SLC25A12: variants seen among roughly 807,000 people sequenced by gnomAD.
SLC25A12 encodes electrogenic aspartate/glutamate antiporter SLC25A12, mitochondrial.
In SLC25A12, 32 loss-of-function variants were observed where a neutral mutation model predicts 83.3. The ratio of observed to expected loss-of-function variants is 0.38; its 90% CI spans 0.29 to 0.52. SLC25A12 has a LOEUF of 0.52. Ranked by LOEUF, SLC25A12 falls within the 20% of genes least tolerant of loss-of-function variation. The pLI, the probability that SLC25A12 is intolerant of heterozygous loss-of-function variation, is 0.84. For missense variants in SLC25A12, 611 were observed against 835.6 expected (o/e 0.73, Z 3.31); for synonymous variants, 267 against 291.1 (o/e 0.92, Z 0.84).
intron 2 of SLC25A12, among the ~76,000 whole-genome samples, chr2:171,880,754 T>C (rs1316999961): frequency 6.6e-6 from 1 of 152,226 alleles, no homozygotes; most frequent in Non-Finnish European, 1.5e-5. Flanking sequence ...CATTATTCTA[T>C]TTTCTCTAGA....
intron 13 of SLC25A12, among the ~76,000 whole-genome samples, chr2:171,803,105 T>G (rs1362078047): frequency 6.7e-6 from 1 of 150,200 alleles, no homozygotes; most frequent in African/African-American, 2.4e-5. Flanking sequence ...TTTAGTAATA[T>G]CTCTCTCTGT....
intron 2 of SLC25A12, among the ~76,000 whole-genome samples, chr2:171,870,393 CG>C (rs1375939773): frequency 6.6e-6 from 1 of 152,074 alleles, no homozygotes; most frequent in Non-Finnish European, 1.5e-5. Context: ...GAGGCCAAGG[CG>C]GGCAACTGCT....
chr2:171,822,641 C>T (rs1277886365), intron 9 of SLC25A12, among the ~76,000 whole-genome samples: 1 of 152,154 alleles, frequency 6.6e-6, no homozygotes. Context: ...CCCGCCTTGG[C>T]CTCTCAAAGT....
At chr2:171,849,033 T>C (rs1451965451) in intron 4 of SLC25A12, among the ~76,000 whole-genome samples, 1 of 151,922 alleles carries the variant, frequency 6.6e-6, no homozygotes, top group Non-Finnish European at 1.5e-5. Context: ...CTACTAAAAA[T>C]AGAAAAAATT....
At chr2:171,858,640 T>C (rs1046950575) in intron 3 of SLC25A12, among the ~76,000 whole-genome samples, 1 of 152,238 alleles carries the variant, frequency 6.6e-6, no homozygotes, top group African/African-American at 2.4e-5. Flanking sequence ...GTTGCATTAG[T>C]TGACATTAAG....
chr2:171,836,440 G>T (rs1205145771), intron 6 of SLC25A12, among the ~76,000 whole-genome samples: 1 of 152,176 alleles, frequency 6.6e-6, no homozygotes, highest in African/African-American at 2.4e-5. Flanking sequence ...TTTGCTATTG[G>T]TCCAGATGAT....
chr2:171,886,219 T>C (rs1685813961), intron 2 of SLC25A12, among the ~76,000 whole-genome samples: 1 of 149,638 alleles, frequency 6.7e-6, no homozygotes, highest in African/African-American at 2.5e-5. Context: ...CACTCCTCTT[T>C]AATATAATAG....
intron 3 of SLC25A12, 86 bp downstream of exon 3, chr2:171,868,595 T>TGG: frequency 7.4e-7 from 1 of 1,352,426 alleles, no homozygotes; most frequent in Admixed American, 1.7e-5. Context: ...ATTACAGGCA[T>TGG]GAGCCACTGT....
Position 171,803,034 on chromosome 2 carries a change from T to C in SLC25A12, c.1305+6572A>G, listed in dbSNP as rs1220386216. On this transcript the variant is annotated intron_variant, in intron 13 of 17. Transcript: ENST00000422440. Reference sequence around the variant, plus strand: ...GCATAAGAGCATGTACACATGTATATGAAAACATTAGAAGGAAATACACCA... The same window carrying C: ...GCATAAGAGCATGTACACATGTATACGAAAACATTAGAAGGAAATACACCA... 2.0e-5 allele frequency among the ~76,000 whole-genome samples: 3 copies of C among 151,332 alleles called. No homozygotes were observed. In the East Asian group the frequency reaches 5.8e-4, roughly 29 times the overall value.
chr2:171,868,592 G>T (rs1685393062), intron 3 of SLC25A12, 89 bp downstream of exon 3: 2 of 1,318,766 alleles, frequency 1.5e-6, no homozygotes. Flanking sequence ...GGGATTACAG[G>T]CATGAGCCAC....
intron 11 of SLC25A12, among the ~76,000 whole-genome samples, chr2:171,812,099 G>A (rs3770453): frequency 0.78 from 118,341 of 152,058 alleles, 47,343 homozygotes; most frequent in East Asian, 0.89. Flanking sequence ...AGAGACTACA[G>A]TTCTGAATAT....
intron 2 of SLC25A12, among the ~76,000 whole-genome samples, chr2:171,875,883 A>T (rs538139615): frequency 7.9e-6 from 1 of 126,108 alleles, no homozygotes; most frequent in South Asian, 2.7e-4. Context: ...ACTGCACCAC[A>T]GCCTGGGCGA....
At chr2:171,874,676 A>C (rs1323790403) in intron 2 of SLC25A12, among the ~76,000 whole-genome samples, 1 of 152,130 alleles carries the variant, frequency 6.6e-6, no homozygotes, top group Non-Finnish European at 1.5e-5. Flanking sequence ...TATGGCATCT[A>C]CTTCATAGAA....
At chr2:171,821,736 G>A (rs954581425) in intron 9 of SLC25A12, among the ~76,000 whole-genome samples, 1 of 152,122 alleles carries the variant, frequency 6.6e-6, no homozygotes, top group African/African-American at 2.4e-5. Flanking sequence ...TCTGGATACA[G>A]ATCCTCTATT....
At chr2:171,851,554 G>C (rs1010995399) in intron 4 of SLC25A12, among the ~76,000 whole-genome samples, 1 of 148,542 alleles carries the variant, frequency 6.7e-6, no homozygotes, top group Admixed American at 6.7e-5. Context: ...TTTCATTTGA[G>C]ACAGGGTTTC....
chr2:171,798,282 G>C (rs1683639604), intron 13 of SLC25A12, among the ~76,000 whole-genome samples: 1 of 152,212 alleles, frequency 6.6e-6, no homozygotes, highest in Non-Finnish European at 1.5e-5. Flanking sequence ...CAGTGCCAAA[G>C]GCCGAGGGGC....
chr2:171,853,115 C>T (rs555557694), intron 4 of SLC25A12, among the ~76,000 whole-genome samples: 6 of 152,100 alleles, frequency 3.9e-5, no homozygotes, highest in African/African-American at 7.2e-5. Context: ...TTCAGCCTCC[C>T]GAGGAGCTGA....
At chr2:171,812,615 A>G (rs773459265) in intron 11 of SLC25A12, among the ~76,000 whole-genome samples, 10 of 110,114 alleles carry the variant, frequency 9.1e-5, no homozygotes, top group Admixed American at 1.7e-4. Context: ...TCCTACAAAG[A>G]CAACGGGGGG....
intron 3 of SLC25A12, among the ~76,000 whole-genome samples, chr2:171,859,170 T>C (rs1017146142): frequency 1.2e-4 from 19 of 152,190 alleles, no homozygotes; most frequent in African/African-American, 4.1e-4. Flanking sequence ...CATTAGTAAG[T>C]AGACCACTAT....
Sources: gnomAD v4.1 joint callset for allele counts (sites outside exome capture counted in the v4.1 genomes callset) on GRCh38, gnomAD v4.1.1 for gene constraint, MANE v1.5 for transcripts, NCBI Gene and HGNC (gene_info 2026-07-23, HGNC 2026-07-21) for gene names.